Variants in LIMCH1 observed in about 807,000 individuals in gnomAD.
The protein encoded by LIMCH1 is LIM and calponin homology domains-containing protein 1.
A neutral mutation model predicts 176.5 loss-of-function variants in LIMCH1; 113 were observed. The ratio of observed to expected loss-of-function variants is 0.64; its 90% CI spans 0.55 to 0.75. The LOEUF is 0.75. LIMCH1 is among the 30% of genes least tolerant of loss of function. The pLI is 0.00. For synonymous variants in LIMCH1, 619 were observed against 645.9 expected (o/e 0.96, Z 0.63); for missense variants, 1,674 against 1,814.9 (o/e 0.92, Z 1.41).
rs555149413 is a variant in LIMCH1, at chr4:41,421,553, T to C, written c.96+60617T>C. ...AGTAGTGGTACTGTTATCTCTCCTT[T>C]ACATATGGGGAAACTGAGGTATATT... On this transcript the variant is annotated intron_variant, in intron 1 of 26. Transcript: ENST00000313860. Among the ~76,000 whole-genome samples the C allele has an allele frequency of 8.1e-4, 123 of 152,320 alleles. 1 individual carries two copies. The highest frequency in any genetic ancestry group is 1.5e-3 in the Non-Finnish European group (105 of 68,030).
chr4:41,663,134 CGTGTGTGTGTGT>C (rs60475434), intron 20 of LIMCH1, 150 bp downstream of exon 20: 86 of 406,508 alleles, frequency 2.1e-4, no homozygotes, highest in South Asian at 4.9e-4. Context: ...TTTTCTTTTT[CGTGTGTGTGTGT>C]GTGTGTGTGT....
Position 41,682,381 on chromosome 4 carries a change from T to G in LIMCH1, c.3766T>G (p.Trp1256Gly), listed in dbSNP as rs550261595. The G allele has an allele frequency of 9.3e-6, 15 of 1,613,002 alleles. No individual in the cohort carries two copies. The highest frequency in any genetic ancestry group is 1.7e-5 in the Admixed American group (1 of 59,988). The change falls in exon 26 of 32, where the codon TGG becomes GGG. Residue 1256 changes from tryptophan to glycine, a missense_variant. Around this residue, in one of 3 missense-constraint regions of LIMCH1, gnomAD observed 1,015 missense variants for 1,102.5 expected, o/e 0.92. Coordinates refer to ENST00000503057, the MANE Select transcript of LIMCH1 (RefSeq NM_001330672.2). ...NCQDEKQDRR[W>G]KKSFQGDDSD... ...TCAAGATGAAAAACAAGACAGAAGA[T>G]GGAAGAAATCATTCCAGGGAGATGA...
chr4:41,670,969 A>G, intron 21 of LIMCH1: 3 of 982,996 alleles, frequency 3.1e-6, no homozygotes, highest in Non-Finnish European at 3.6e-6. Flanking sequence ...AATTGGGGGT[A>G]GGAGGAGAGG....
chr4:41,432,806 A>G (rs111626669), intron 1 of LIMCH1, among the ~76,000 whole-genome samples: 1 of 152,334 alleles, frequency 6.6e-6, no homozygotes, highest in East Asian at 1.9e-4. Flanking sequence ...CATATGGGAG[A>G]TCTTAAAAAG....
chr4:41,477,508 T>C (rs749925357), intron 1 of LIMCH1, among the ~76,000 whole-genome samples: 3 of 152,176 alleles, frequency 2.0e-5, no homozygotes, highest in Non-Finnish European at 2.9e-5. Context: ...ATGCTGTTAT[T>C]ATCATCATCA....
At chr4:41,492,446 G>A (rs1282651752) in intron 1 of LIMCH1, among the ~76,000 whole-genome samples, 2 of 151,902 alleles carry the variant, frequency 1.3e-5, no homozygotes, top group Non-Finnish European at 2.9e-5. Flanking sequence ...GAGAAGGGGA[G>A]GGGGAGGGGG....
chr4:41,469,485 C>T (rs2066626723), intron 1 of LIMCH1, among the ~76,000 whole-genome samples: 1 of 152,166 alleles, frequency 6.6e-6, no homozygotes, highest in African/African-American at 2.4e-5. Flanking sequence ...TCAGTGCGGG[C>T]CATGCTTGCA....
chr4:41,488,450 C>T (rs1270709140), intron 1 of LIMCH1, among the ~76,000 whole-genome samples: 1 of 152,188 alleles, frequency 6.6e-6, no homozygotes, highest in African/African-American at 2.4e-5. Flanking sequence ...TATTCATAAA[C>T]TGTTAAGAAT....
chr4:41,467,351 A>G (rs1459461542), intron 1 of LIMCH1, among the ~76,000 whole-genome samples: 2 of 152,154 alleles, frequency 1.3e-5, no homozygotes, highest in Admixed American at 6.5e-5. Context: ...GTTCGTTCTC[A>G]TGCTGTTAAT....
At chr4:41,524,094 A>G (rs910126761) in intron 2 of LIMCH1, among the ~76,000 whole-genome samples, 2 of 152,222 alleles carry the variant, frequency 1.3e-5, no homozygotes, top group Non-Finnish European at 2.9e-5. Context: ...ACCTGGTTCC[A>G]GTTCCAGATA....
intron 22 of LIMCH1, among the ~76,000 whole-genome samples, 198 bp from the exon 23 acceptor site, chr4:41,676,184 C>T (rs566136819): frequency 6.6e-6 from 1 of 152,290 alleles, no homozygotes; most frequent in East Asian, 1.9e-4. Context: ...ATCATACCAG[C>T]GTCTTGGAAG....
intron 25 of LIMCH1, among the ~76,000 whole-genome samples, chr4:41,681,356 T>G (rs1715629007): frequency 1.3e-5 from 2 of 152,164 alleles, no homozygotes; most frequent in Non-Finnish European, 2.9e-5. Context: ...ATTAGTGAAG[T>G]CATATTGTGG....
intron 2 of LIMCH1, among the ~76,000 whole-genome samples, chr4:41,508,470 G>A (rs1367377447): frequency 1.3e-5 from 2 of 152,152 alleles, no homozygotes; most frequent in Non-Finnish European, 2.9e-5. Flanking sequence ...TTGGGGATGA[G>A]GGCCTGGCTC....
At chr4:41,607,429 G>A (rs1317416198) in intron 4 of LIMCH1, among the ~76,000 whole-genome samples, 3 of 152,162 alleles carry the variant, frequency 2.0e-5, no homozygotes, top group African/African-American at 7.2e-5. Flanking sequence ...AATAAACACA[G>A]ACACACAATG....
chr4:41,662,841 A>G lies in LIMCH1; in HGVS notation c.3148A>G (p.Thr1050Ala). 6.2e-7 allele frequency: 1 copy of G among 1,614,010 alleles called. No homozygotes were observed. Among genetic ancestry groups the G allele is most frequent in the Non-Finnish European group, 8.5e-7 (1 of 1,179,964 alleles). Residue 1050 changes from threonine to alanine, a missense_variant, in exon 20 of 32, where the codon ACT (threonine) becomes GCT (alanine). Physicochemically the swap from Thr to Ala is moderately conservative, Grantham distance 58. Transcript: ENST00000503057. Reference protein sequence around the residue: ...ASSEPQHFTTTVTRCSPTVAF... With the variant: ...ASSEPQHFTTAVTRCSPTVAF... Reference sequence around the variant, plus strand: ...TGCAGAACCACAGCATTTTACAACAACTGTGACTCGATGCAGCCCGACCGT... The same window carrying G: ...TGCAGAACCACAGCATTTTACAACAGCTGTGACTCGATGCAGCCCGACCGT...
intron 15 of LIMCH1, 42 bp from the exon 16 acceptor site, chr4:41,646,081 A>G (rs769733882): frequency 6.4e-7 from 1 of 1,565,716 alleles, no homozygotes; most frequent in East Asian, 2.2e-5. Flanking sequence ...GGAATTATGC[A>G]CAAGTCTGAA....
intron 17 of LIMCH1, among the ~76,000 whole-genome samples, chr4:41,648,672 T>C (rs1431655163): frequency 6.7e-6 from 1 of 149,828 alleles, no homozygotes; most frequent in Non-Finnish European, 1.5e-5. Context: ...TGTGTGTGTG[T>C]GTGTGTGTGT....
intron 1 of LIMCH1, chr4:41,473,198 G>A (rs2067242030): frequency 1.0e-6 from 1 of 984,978 alleles, no homozygotes; most frequent in African/African-American, 1.7e-5. Context: ...GAGGAAAGGT[G>A]TGTGCTGTTT....
At chr4:41,596,058 A>T (rs560272233) in intron 1 of LIMCH1, among the ~76,000 whole-genome samples, 2 of 141,314 alleles carry the variant, frequency 1.4e-5, no homozygotes, top group South Asian at 2.2e-4. Context: ...CAAAAAAAAA[A>T]AAATAAAAAA....
Sources: gnomAD v4.1 joint callset for allele counts (sites outside exome capture counted in the v4.1 genomes callset) on GRCh38, gnomAD v4.1.1 for gene constraint, gnomAD v4.1.1 regional missense constraint, MANE v1.5 for transcripts, NCBI Gene and HGNC (gene_info 2026-07-23, HGNC 2026-07-21) for gene names.